Variants in BNC2 observed in about 807,000 individuals in gnomAD.
BNC2 encodes zinc finger protein basonuclin-2.
BNC2 carries 20 observed loss-of-function variants against 76.3 expected under a neutral mutation model. That is an observed-to-expected ratio of 0.26 (90% CI 0.18 to 0.38). The LOEUF (loss-of-function observed/expected upper bound fraction) is 0.38. BNC2 is among the 10% of genes least tolerant of loss of function. The pLI is 1.00. For synonymous variants in BNC2, 582 were observed against 514.8 expected, an observed-to-expected ratio of 1.13 and a Z score of -1.77; for missense variants, 1,382 against 1,399.8, an observed-to-expected ratio of 0.99 and a Z score of 0.20.
At chr9:16,453,949 C>G (rs939258671) in intron 5 of BNC2, among the ~76,000 whole-genome samples, 1 of 152,210 alleles carries the variant, frequency 6.6e-6, no homozygotes, top group East Asian at 1.9e-4. Context: ...GACACTGCAC[C>G]AGAACTAGAG....
chr9:16,736,214 C>CAAA (rs56153442), intron 2 of BNC2, among the ~76,000 whole-genome samples: 10 of 106,788 alleles, frequency 9.4e-5, no homozygotes, highest in Admixed American at 4.0e-4. Flanking sequence ...ACTCTGTTTC[C>CAAA]AAAAAAAAAA....
intron 5 of BNC2, among the ~76,000 whole-genome samples, chr9:16,442,451 A>G (rs1433866365): frequency 6.6e-6 from 1 of 152,200 alleles, no homozygotes; most frequent in East Asian, 1.9e-4. Flanking sequence ...GATCAAATGC[A>G]TGGTTTAAAT....
intron 2 of BNC2, among the ~76,000 whole-genome samples, chr9:16,735,647 C>CCAT (rs1824644981): frequency 6.6e-6 from 1 of 151,768 alleles, no homozygotes; most frequent in Non-Finnish European, 1.5e-5. Context: ...CAGGCGTGTG[C>CCAT]CATCACCCCC....
chr9:16,798,698 C>T (rs928496604), intron 1 of BNC2, among the ~76,000 whole-genome samples: 2 of 152,152 alleles, frequency 1.3e-5, no homozygotes, highest in East Asian at 1.9e-4. Flanking sequence ...CACTAAACTA[C>T]GTAGAAATTA....
At chr9:16,716,503 C>T (rs890061451) in intron 3 of BNC2, among the ~76,000 whole-genome samples, 1 of 152,052 alleles carries the variant, frequency 6.6e-6, no homozygotes, top group Admixed American at 6.6e-5. Context: ...TTTTACATTT[C>T]ATTATTCCCA....
intron 1 of BNC2, among the ~76,000 whole-genome samples, chr9:16,813,899 G>C (rs78664440): frequency 6.6e-6 from 1 of 152,132 alleles, no homozygotes; most frequent in Non-Finnish European, 1.5e-5. Flanking sequence ...TGGTTTTCAT[G>C]ACATTCTCAG....
Position 16,716,728 on chromosome 9 carries a change from G to C in BNC2, c.330+11069C>G, listed in dbSNP as rs151112506. 8.5e-4 allele frequency among the ~76,000 whole-genome samples: 129 copies of C among 152,274 alleles called. 2 individuals carry two copies. The East Asian group carries it at 0.016, about 19-fold the overall frequency. On this transcript the variant is annotated intron_variant, in intron 3 of 6. Transcript: ENST00000380672. ...GACCAGTCATATGCCAACTAATTTG[G>C]ATCAACTATACTATAGTGTTTTTAC...
Position 16,753,564 on chromosome 9 carries a change from A to T in BNC2, c.4-15079T>A, listed in dbSNP as rs574347795. 7.2e-5 allele frequency among the ~76,000 whole-genome samples: 11 copies of T among 152,312 alleles called. 1 individual carries two copies. The East Asian group carries it at 2.1e-3, about 29-fold the overall frequency. On this transcript the variant is annotated intron_variant, in intron 1 of 6. Transcript: ENST00000380672. ...TGTGTTCACTATTGCATCAAAACAAATTGTATGGCAAGGGGTAAACAGACT... is the reference window on the plus strand; with the variant it reads ...TGTGTTCACTATTGCATCAAAACAATTTGTATGGCAAGGGGTAAACAGACT...
intron 3 of BNC2, among the ~76,000 whole-genome samples, chr9:16,590,827 C>T (rs2133170326): frequency 6.6e-6 from 1 of 152,118 alleles, no homozygotes. Context: ...ACACAAAAGA[C>T]GTCTATCCTA....
intron 5 of BNC2, among the ~76,000 whole-genome samples, chr9:16,530,961 G>A (rs551457485): frequency 6.6e-6 from 1 of 152,296 alleles, no homozygotes; most frequent in East Asian, 1.9e-4. Context: ...TGAGCCGGGA[G>A]GGGGCAGGAG....
rs1490369876 is a variant in BNC2, at chr9:16,531,178, G to A, written c.669+21352C>T. Among the ~76,000 whole-genome samples the A allele has an allele frequency of 2.0e-4, 31 of 152,176 alleles. 1 individual carries two copies. The highest frequency in any genetic ancestry group is 2.0e-3 in the Admixed American group (31 of 15,288). On this transcript the variant is annotated intron_variant, in intron 5 of 6. Transcript: ENST00000380672. ...AGTGTTAAACACTTGCAAGGAAGAAGGTAGAAAACAAAAACAAACTAGAAG... is the reference window on the plus strand; with the variant it reads ...AGTGTTAAACACTTGCAAGGAAGAAAGTAGAAAACAAAAACAAACTAGAAG...
intron 1 of BNC2, among the ~76,000 whole-genome samples, chr9:16,781,223 C>T (rs1021646377): frequency 5.7e-5 from 1 of 17,534 alleles, no homozygotes; most frequent in Non-Finnish European, 1.3e-4. Flanking sequence ...GATTCATTTT[C>T]AAATTTGCAC....
intron 3 of BNC2, among the ~76,000 whole-genome samples, chr9:16,599,585 A>G (rs1820188247): frequency 6.6e-6 from 1 of 152,194 alleles, no homozygotes. Flanking sequence ...GAAGTTCAAC[A>G]CCAGCCTGGC....
At chr9:16,713,387 T>C (rs1378160288) in intron 3 of BNC2, among the ~76,000 whole-genome samples, 2 of 150,764 alleles carry the variant, frequency 1.3e-5, no homozygotes, top group Non-Finnish European at 2.9e-5. Context: ...AAAATGACTG[T>C]ACTGAACTGG....
chr9:16,497,174 G>T (rs534778435), intron 5 of BNC2, among the ~76,000 whole-genome samples: 5 of 152,172 alleles, frequency 3.3e-5, no homozygotes, highest in Non-Finnish European at 5.9e-5. Flanking sequence ...TATCAGAAAG[G>T]GGTTTCCTAG....
At chr9:16,456,778 A>T (rs1821458944) in intron 5 of BNC2, among the ~76,000 whole-genome samples, 1 of 152,206 alleles carries the variant, frequency 6.6e-6, no homozygotes, top group South Asian at 2.1e-4. Context: ...GTAGGGAAAG[A>T]CATATTCTAG....
intron 1 of BNC2, among the ~76,000 whole-genome samples, chr9:16,810,447 G>C (rs189669683): frequency 2.2e-4 from 34 of 152,346 alleles, no homozygotes; most frequent in African/African-American, 7.5e-4. Flanking sequence ...CCACAGAGCT[G>C]TTTGTTTACC....
At chr9:16,453,972 A>C (rs1169587817) in intron 5 of BNC2, among the ~76,000 whole-genome samples, 1 of 152,196 alleles carries the variant, frequency 6.6e-6, no homozygotes, top group African/African-American at 2.4e-5. Flanking sequence ...CTTAGCTTTC[A>C]GTGAACACAC....
chr9:16,725,261 A>G (rs1338400177), intron 3 of BNC2, among the ~76,000 whole-genome samples: 1 of 149,748 alleles, frequency 6.7e-6, no homozygotes, highest in Non-Finnish European at 1.5e-5. Flanking sequence ...GTGCTGAATC[A>G]GCATTGCTGA....
Sources: allele counts gnomAD v4.1 joint callset (sites outside exome capture counted in the v4.1 genomes callset), GRCh38; gene constraint gnomAD v4.1.1; transcripts MANE v1.5; gene names NCBI Gene and HGNC (gene_info 2026-07-23, HGNC 2026-07-21).